The following BHMT variants were observed in gnomAD, a reference collection of about 807,000 sequenced individuals.
BHMT encodes betaine--homocysteine S-methyltransferase 1.
Under a neutral mutation model 49.5 loss-of-function variants are expected in BHMT, and 38 were observed. The observed-to-expected ratio is 0.77, with a 90% CI of 0.59 to 1.01. The LOEUF is 1.01. BHMT is among the 50% of genes least tolerant of loss of function. The pLI is 0.00. For synonymous variants in BHMT, 166 were observed against 176.3 expected, an observed-to-expected ratio of 0.94 and a Z score of 0.46; for missense variants, 426 against 495.7, an observed-to-expected ratio of 0.86 and a Z score of 1.34.
Position 79,128,803 on chromosome 5 carries a change from A to T in BHMT, c.1037+820A>T, listed in dbSNP as rs188856286. Among the ~76,000 whole-genome samples the T allele has an allele frequency of 1.9e-4, 29 of 151,432 alleles. No homozygotes were observed. In the East Asian group the frequency reaches 5.2e-3, roughly 27 times the overall value. Reference sequence around the variant, plus strand: ...TGGGGAAGATGAATAATACACTAGTAAAAAAAAATGTATGTCAGGCACTGG... The same window carrying T: ...TGGGGAAGATGAATAATACACTAGTTAAAAAAAATGTATGTCAGGCACTGG... On this transcript the variant is annotated intron_variant, in intron 7 of 7. Transcript: ENST00000274353.
intron 2 of BHMT, among the ~76,000 whole-genome samples, chr5:79,118,552 A>G (rs1242051161): frequency 3.9e-5 from 6 of 152,334 alleles, no homozygotes; most frequent in Admixed American, 2.0e-4. Flanking sequence ...TCTTGCTCCA[A>G]TTCTTATTTC....
chr5:79,119,588 A>T (rs189088164), intron 3 of BHMT: 35 of 423,202 alleles, frequency 8.3e-5, no homozygotes, highest in South Asian at 2.5e-4. Flanking sequence ...GATGAAGAAG[A>T]GGTATTTAAT....
intron 4 of BHMT, among the ~76,000 whole-genome samples, chr5:79,120,972 G>A (rs1756458988): frequency 6.6e-6 from 1 of 152,090 alleles, no homozygotes; most frequent in South Asian, 2.1e-4. Flanking sequence ...CCAACATGGT[G>A]AAACCCCGTC....
chr5:79,112,446 G>A (rs1756317738), intron 1 of BHMT, among the ~76,000 whole-genome samples: 1 of 152,206 alleles, frequency 6.6e-6, no homozygotes, highest in Non-Finnish European at 1.5e-5. Flanking sequence ...GAACAGGGAG[G>A]AGTGCACGGC....
intron 7 of BHMT, among the ~76,000 whole-genome samples, chr5:79,129,044 C>G (rs1274285581): frequency 1.3e-5 from 2 of 152,166 alleles, no homozygotes; most frequent in Non-Finnish European, 2.9e-5. Context: ...GCTCAATAGG[C>G]TCCTACCATA....
At chr5:79,112,123 G>GC (rs1756311152) in intron 1 of BHMT, among the ~76,000 whole-genome samples, 1 of 151,950 alleles carries the variant, frequency 6.6e-6, no homozygotes, top group Non-Finnish European at 1.5e-5. Flanking sequence ...CCCCACTCCT[G>GC]CCCCACGTTC....
At chr5:79,129,125 T>A (rs1048161102) in intron 7 of BHMT, among the ~76,000 whole-genome samples, 16 of 152,184 alleles carry the variant, frequency 1.1e-4, no homozygotes, top group Non-Finnish European at 2.1e-4. Context: ...GTTCAGCAGC[T>A]ATTAACAGAG....
chr5:79,128,302 C>A, intron 7 of BHMT: 1 of 217,962 alleles, frequency 4.6e-6, no homozygotes, highest in Non-Finnish European at 9.0e-6. Context: ...AGGAGGATTA[C>A]TTGATCTCGG....
At chr5:79,115,987 G>A in intron 2 of BHMT, 88 bp downstream of exon 2, 9 of 1,420,566 alleles carry the variant, frequency 6.3e-6, no homozygotes, top group Non-Finnish European at 8.3e-6. Context: ...GGAGGCTGAG[G>A]TGGGAAGACC....
intron 4 of BHMT, 84 bp downstream of exon 4, chr5:79,120,625 T>C (rs1561253668): frequency 7.8e-7 from 1 of 1,289,534 alleles, no homozygotes; most frequent in Non-Finnish European, 1.0e-6. Context: ...CTGTGTGGGG[T>C]TAGGTGACAA....
At chr5:79,123,709 G>A (rs1370185296) in intron 5 of BHMT, among the ~76,000 whole-genome samples, 1 of 152,038 alleles carries the variant, frequency 6.6e-6, no homozygotes, top group African/African-American at 2.4e-5. Flanking sequence ...GTACTACCAC[G>A]TCCAGCTAAT....
At chr5:79,114,514 G>A (rs1392888412) in intron 1 of BHMT, among the ~76,000 whole-genome samples, 1 of 152,158 alleles carries the variant, frequency 6.6e-6, no homozygotes, top group Non-Finnish European at 1.5e-5. Flanking sequence ...TCCTGTGACT[G>A]CCTCTCACAG....
chr5:79,117,009 G>A (rs377040950), intron 2 of BHMT, among the ~76,000 whole-genome samples: 77 of 152,270 alleles, frequency 5.1e-4, no homozygotes, highest in African/African-American at 1.7e-3. Context: ...TCAGGTTATC[G>A]GGGTCTGGAA....
Position 79,119,500 on chromosome 5 carries a change from A to G in BHMT, c.285+123A>G, listed in dbSNP as rs1055467885. ...TTGTTTTATTTCTAATAATACAAAA[A>G]TGAGAGGCGTGAATAACAACCTTAG... On this transcript the variant is annotated intron_variant, in intron 3 of 7. Transcript: ENST00000274353. The G allele has an allele frequency of 1.6e-5, 11 of 702,996 alleles. No individual in the cohort carries two copies. The African/African-American group carries it at 2.0e-4, about 13-fold the overall frequency. The allele number at this position is 702,996 out of a possible 1,614,324, so 43.5% of individuals were successfully genotyped here. A position where few individuals can be genotyped will look rare whatever the true frequency, so the allele number is the denominator to read the frequency against.
chr5:79,124,317 G>T (rs1250724293), intron 5 of BHMT, among the ~76,000 whole-genome samples: 1 of 152,152 alleles, frequency 6.6e-6, no homozygotes, highest in African/African-American at 2.4e-5. Flanking sequence ...GGGAGGCAAA[G>T]GTGTGAGGAT....
At chr5:79,129,185 C>A (rs1756599019) in intron 7 of BHMT, among the ~76,000 whole-genome samples, 1 of 152,146 alleles carries the variant, frequency 6.6e-6, no homozygotes. Context: ...GCAAGCTAAA[C>A]AAGGAGCTAG....
At chr5:79,127,532 A>G (rs562443495) in intron 6 of BHMT, among the ~76,000 whole-genome samples, 55 of 152,336 alleles carry the variant, frequency 3.6e-4, no homozygotes, top group Non-Finnish European at 5.9e-4. Context: ...GCACAAGAAG[A>G]AAAACATCAA....
intron 5 of BHMT, among the ~76,000 whole-genome samples, chr5:79,123,364 G>A (rs571010578): frequency 1.1e-3 from 162 of 152,344 alleles, no homozygotes; most frequent in African/African-American, 3.7e-3. Context: ...TCCATGGGTT[G>A]TGGCACCAGC....
intron 1 of BHMT, 150 bp from the exon 2 acceptor site, chr5:79,115,617 G>A: frequency 2.4e-6 from 2 of 845,070 alleles, no homozygotes; most frequent in Non-Finnish European, 3.4e-6. Flanking sequence ...CTTATAGATA[G>A]CCATAAATGT....
Sources: allele counts gnomAD v4.1 joint callset (sites outside exome capture counted in the v4.1 genomes callset), GRCh38; gene constraint gnomAD v4.1.1; transcripts MANE v1.5; gene names NCBI Gene and HGNC (gene_info 2026-07-23, HGNC 2026-07-21).